The following TTC23 variants were observed in gnomAD, a reference collection of about 807,000 sequenced individuals.
TTC23 encodes the protein tetratricopeptide repeat domain 23.
A neutral mutation model predicts 55.1 loss-of-function variants in TTC23; 58 were observed. The ratio of observed to expected loss-of-function variants is 1.05; its 90% confidence interval spans 0.85 to 1.31. The LOEUF is 1.31. Ranked by LOEUF, TTC23 falls within the 50% of genes most tolerant of loss-of-function variation. TTC23 has a pLI of 0.00. For missense variants in TTC23, 516 were observed against 534.4 expected (o/e 0.97, Z 0.34); for synonymous variants, 203 against 199.9 (o/e 1.02, Z -0.13).
At chr15:99,206,514 T>G (rs1176246297) in intron 8 of TTC23, among the ~76,000 whole-genome samples, 1 of 152,214 alleles carries the variant, frequency 6.6e-6, no homozygotes, top group Non-Finnish European at 1.5e-5. Flanking sequence ...GGTTTCTGAT[T>G]TCTTCATAGT....
rs755166587 is a variant in TTC23 at position 99,199,995 on chromosome 15, A to G, written c.683T>C (p.Val228Ala). The G allele has an allele frequency of 5.6e-6, 9 of 1,614,156 alleles. No individual in the cohort carries two copies. The highest frequency in any genetic ancestry group is 6.8e-6 in the Non-Finnish European group (8 of 1,180,008). Residue 228 changes from valine to alanine, a missense_variant, in exon 9 of 14, where the codon GTA (valine) becomes GCA (alanine). Val to Ala is a moderately conservative substitution (Grantham distance 64, BLOSUM62 0). Transcript: ENST00000394132. ...ACCTGCTAATTCTCTCAATATGGGT[A>G]CACACTCACGACTTGTTTCACCTTT... ...ISKGETSRECVPILRELAGVE... is the reference protein window; with the variant it reads ...ISKGETSRECAPILRELAGVE...
chr15:99,197,938 G>A (rs1447534673), intron 9 of TTC23, among the ~76,000 whole-genome samples: 1 of 151,870 alleles, frequency 6.6e-6, no homozygotes, highest in Admixed American at 6.6e-5. Flanking sequence ...AAAAGAAAGG[G>A]ACAGAGGACA....
chr15:99,181,930 C>T (rs1398078660), intron 9 of TTC23, among the ~76,000 whole-genome samples: 1 of 152,100 alleles, frequency 6.6e-6, no homozygotes, highest in East Asian at 1.9e-4. Context: ...ATTTTAGCTC[C>T]TCCAAAGAGC....
chr15:99,178,024 T>TA (rs1016179390), intron 9 of TTC23, among the ~76,000 whole-genome samples: 174 of 151,640 alleles, frequency 1.1e-3, no homozygotes, highest in African/African-American at 3.9e-3. Context: ...TACTAAAAAA[T>TA]AAAAAAAATT....
At chr15:99,202,983 T>A (rs974086437) in intron 8 of TTC23, among the ~76,000 whole-genome samples, 2 of 152,202 alleles carry the variant, frequency 1.3e-5, no homozygotes, top group African/African-American at 4.8e-5. Context: ...ATCATATCTT[T>A]TACTCTTTCT....
At chr15:99,156,379 T>C (rs2070573036) in intron 11 of TTC23, 82 bp from the exon 12 acceptor site, 1 of 1,531,512 alleles carries the variant, frequency 6.5e-7, no homozygotes, top group East Asian at 2.3e-5. Flanking sequence ...CATTTTCACA[T>C]GGGTGTGGTA....
intron 11 of TTC23, among the ~76,000 whole-genome samples, chr15:99,161,489 G>C (rs1053802097): frequency 6.6e-6 from 1 of 152,188 alleles, no homozygotes; most frequent in Non-Finnish European, 1.5e-5. Context: ...AGCAGGGCCT[G>C]TCCACTATTT....
chr15:99,170,749 G>A (rs536762532), intron 10 of TTC23, among the ~76,000 whole-genome samples: 1 of 152,380 alleles, frequency 6.6e-6, no homozygotes, highest in Admixed American at 6.5e-5. Context: ...TTGGCCACGT[G>A]AGGGGACAGC....
rs555981449 is a variant in TTC23, at chr15:99,203,789, C to T, written c.582-3693G>A. On this transcript the variant is annotated intron_variant, in intron 8 of 13. Transcript: ENST00000394132. Reference sequence around the variant, plus strand: ...CTGGCTTATTTCACTTAACATAATGCCCTCCAGCTCCATCCATTTTGCTGC... The same window carrying T: ...CTGGCTTATTTCACTTAACATAATGTCCTCCAGCTCCATCCATTTTGCTGC... Among the ~76,000 whole-genome samples the T allele has an allele frequency of 2.0e-4, 31 of 151,880 alleles. No individual in the cohort carries two copies. The South Asian group carries it at 6.0e-3, about 30-fold the overall frequency.
intron 12 of TTC23, 98 bp downstream of exon 12, chr15:99,156,050 T>TA: frequency 6.5e-7 from 1 of 1,544,078 alleles, no homozygotes. Context: ...AAGCCACTTC[T>TA]AAAGTTTCAT....
At chr15:99,157,681 C>T (rs1406073382) in intron 11 of TTC23, 1 of 152,182 alleles carries the variant, frequency 6.6e-6, no homozygotes, top group African/African-American at 2.4e-5. Context: ...TGAAAGTAAA[C>T]ATTCCAACAT....
intron 4 of TTC23, among the ~76,000 whole-genome samples, chr15:99,233,296 T>C (rs1372034524): frequency 6.6e-6 from 1 of 152,190 alleles, no homozygotes; most frequent in Non-Finnish European, 1.5e-5. Flanking sequence ...TTCCACAACA[T>C]GTACATATTT....
At chr15:99,215,134 G>C (rs1185234240) in intron 8 of TTC23, among the ~76,000 whole-genome samples, 3 of 150,190 alleles carry the variant, frequency 2.0e-5, no homozygotes, top group Non-Finnish European at 4.4e-5. Flanking sequence ...GGGATTACAG[G>C]CATGAGCCAC....
chr15:99,175,255 T>G, intron 9 of TTC23, 100 bp from the exon 10 acceptor site: 3 of 891,962 alleles, frequency 3.4e-6, no homozygotes, highest in Non-Finnish European at 5.2e-6. Flanking sequence ...CAAGGAACTT[T>G]CCAGCAAGCT....
intron 6 of TTC23, among the ~76,000 whole-genome samples, chr15:99,220,140 T>A (rs1050649769): frequency 2.0e-5 from 3 of 152,170 alleles, no homozygotes; most frequent in African/African-American, 4.8e-5. Flanking sequence ...TCAAGAACAT[T>A]GGCTCTGAAG....
intron 6 of TTC23, 25 bp downstream of exon 6, chr15:99,221,716 C>T (rs772344019): frequency 2.5e-6 from 4 of 1,613,034 alleles, no homozygotes; most frequent in Non-Finnish European, 1.7e-6. Context: ...ACCAACTGAT[C>T]CCCCTCAGTC....
intron 6 of TTC23, 125 bp downstream of exon 6, chr15:99,221,616 G>A (rs2077935403): frequency 8.2e-7 from 1 of 1,223,438 alleles, no homozygotes; most frequent in Non-Finnish European, 1.1e-6. Flanking sequence ...AAAAAGAAAT[G>A]GCTTCTTGGT....
At chr15:99,202,873 C>G (rs2076310853) in intron 8 of TTC23, among the ~76,000 whole-genome samples, 1 of 152,234 alleles carries the variant, frequency 6.6e-6, no homozygotes. Context: ...GTTCCGTCAT[C>G]TGAACACACT....
At chr15:99,221,886 C>T (rs2077967043) in intron 5 of TTC23, 22 bp from the exon 6 acceptor site, 3 of 1,612,140 alleles carry the variant, frequency 1.9e-6, no homozygotes, top group African/African-American at 1.3e-5. Flanking sequence ...AGAAAACAGG[C>T]TTACCAGTTA....
Sources: gnomAD v4.1 joint callset for allele counts (sites outside exome capture counted in the v4.1 genomes callset) on GRCh38, gnomAD v4.1.1 for gene constraint, MANE v1.5 for transcripts, NCBI Gene and HGNC (gene_info 2026-07-23, HGNC 2026-07-21) for gene names.